SERPINB7: variants seen among roughly 807,000 people sequenced by gnomAD.
The protein encoded by SERPINB7 is serpin B7.
A neutral mutation model predicts 37.4 loss-of-function variants in SERPINB7; 31 were observed. That is an observed-to-expected ratio of 0.83 (90% CI 0.62 to 1.12). The LOEUF (loss-of-function observed/expected upper bound fraction) is 1.12, where lower values mean the gene tolerates loss of function less well. Ranked by LOEUF, SERPINB7 falls within the 50% of genes most tolerant of loss-of-function variation. The pLI, the probability that SERPINB7 is intolerant of heterozygous loss-of-function variation, is 0.00. For synonymous variants in SERPINB7, 163 were observed against 166.1 expected, an observed-to-expected ratio of 0.98 and a Z score of 0.14; for missense variants, 521 against 455.3, an observed-to-expected ratio of 1.14 and a Z score of -1.31.
chr18:63,801,730 G>C (rs185285911), intron 7 of SERPINB7, among the ~76,000 whole-genome samples: 1 of 152,064 alleles, frequency 6.6e-6, no homozygotes, highest in South Asian at 2.1e-4. Flanking sequence ...CAGAGGACCG[G>C]TTTAGTCATG....
chr18:63,803,193 A>G (rs965211259), intron 7 of SERPINB7, among the ~76,000 whole-genome samples: 1 of 152,142 alleles, frequency 6.6e-6, no homozygotes, highest in Admixed American at 6.5e-5. Context: ...TACCTGCATA[A>G]TCTTTCATAA....
chr18:63,773,181 T>C (rs1375354385), upstream of SERPINB7, among the ~76,000 whole-genome samples: 1 of 152,092 alleles, frequency 6.6e-6, no homozygotes, highest in African/African-American at 2.4e-5. Context: ...AATTAAGCCA[T>C]GGAACTTGCC....
At chr18:63,799,623 A>C (rs1416253859) in intron 6 of SERPINB7, among the ~76,000 whole-genome samples, 1 of 152,164 alleles carries the variant, frequency 6.6e-6, no homozygotes, top group Non-Finnish European at 1.5e-5. Flanking sequence ...AGCATAACCC[A>C]GATGTGTGAT....
chr18:63,795,368 C>T (rs558434240), intron 4 of SERPINB7, among the ~76,000 whole-genome samples: 1 of 152,072 alleles, frequency 6.6e-6, no homozygotes, highest in South Asian at 2.1e-4. Flanking sequence ...TGAGACCAGC[C>T]TGACCAACAT....
intron 2 of SERPINB7, among the ~76,000 whole-genome samples, chr18:63,786,703 G>A (rs923201990): frequency 5.3e-5 from 8 of 151,960 alleles, no homozygotes; most frequent in African/African-American, 1.5e-4. Context: ...GCCATCATCT[G>A]AATTCATAAA....
At chr18:63,753,656 G>A (rs921235706) in intron 1 of SERPINB7, among the ~76,000 whole-genome samples, 16 of 152,140 alleles carry the variant, frequency 1.1e-4, no homozygotes, top group African/African-American at 3.6e-4. Flanking sequence ...CAACTCCCAG[G>A]TCGATCACAA....
In SERPINB7 at chr18:63,804,595, A is replaced by T. The variant is rs560859461; in HGVS notation, c.1103A>T (p.Asp368Val). 3.6e-5 allele frequency: 58 copies of T among 1,613,402 alleles called. No individual in the cohort carries two copies. In the South Asian group the frequency reaches 6.4e-4, roughly 18 times the overall value. The change falls in exon 8 of 8, where the codon GAT becomes GTT. Residue 368 changes from aspartate to valine, a missense_variant. Transcript: ENST00000398019. ...CCATTCCTATTTGTTATCAGGAAGG[A>T]TGACATCATCTTATTCAGTGGCAAA... ...DHPFLFVIRK[D>V]DIILFSGKVS...
intron 2 of SERPINB7, among the ~76,000 whole-genome samples, chr18:63,783,294 G>GAAAT (rs1555694253): frequency 6.8e-6 from 1 of 147,466 alleles, no homozygotes; most frequent in African/African-American, 2.5e-5. Flanking sequence ...AAGAAAGAAA[G>GAAAT]AAATGCAAAT....
At chr18:63,771,999 T>G (rs1189259631), upstream of SERPINB7, among the ~76,000 whole-genome samples, 3 of 151,848 alleles carry the variant, frequency 2.0e-5, no homozygotes, top group Non-Finnish European at 4.4e-5. Flanking sequence ...CAGGAATACA[T>G]GTGCAGGTTT....
chr18:63,783,201 AG>A (rs1185394102), intron 2 of SERPINB7, among the ~76,000 whole-genome samples: 13 of 71,528 alleles, frequency 1.8e-4, no homozygotes, highest in African/African-American at 7.6e-4. Flanking sequence ...AGAGAGAGAG[AG>A]AGAGAGAGAG....
At chr18:63,784,632 T>C (rs536942887) in intron 2 of SERPINB7, among the ~76,000 whole-genome samples, 19 of 152,302 alleles carry the variant, frequency 1.2e-4, no homozygotes, top group African/African-American at 4.3e-4. Flanking sequence ...AACATAGCCT[T>C]GGTCTGGGAG....
intron 4 of SERPINB7, among the ~76,000 whole-genome samples, chr18:63,794,459 G>A (rs2049464340): frequency 6.6e-6 from 1 of 152,096 alleles, no homozygotes; most frequent in Non-Finnish European, 1.5e-5. Flanking sequence ...GGGAGGCCGA[G>A]GCGGGCGGAT....
At chr18:63,762,627 GCTCTGGGGGAGTGACGAGAGCA>G (rs2049160487) in intron 1 of SERPINB7, among the ~76,000 whole-genome samples, 1 of 152,186 alleles carries the variant, frequency 6.6e-6, no homozygotes, top group Non-Finnish European at 1.5e-5. Context: ...CCCCATGATA[GCTCTGGGGGAGTGACGAGAGCA>G]GAAAACTAAC....
intron 4 of SERPINB7, 78 bp downstream of exon 4, chr18:63,793,355 C>T: frequency 1.4e-6 from 1 of 700,764 alleles, no homozygotes; most frequent in Non-Finnish European, 2.4e-6. Flanking sequence ...TGTCTTTCTA[C>T]TGAGCAATAC....
At chr18:63,764,955 A>G (rs1207900042) in intron 1 of SERPINB7, among the ~76,000 whole-genome samples, 1 of 152,218 alleles carries the variant, frequency 6.6e-6, no homozygotes, top group Non-Finnish European at 1.5e-5. Flanking sequence ...AAAAAATGAT[A>G]TATTTTTCAC....
intron 2 of SERPINB7, among the ~76,000 whole-genome samples, chr18:63,790,103 C>T (rs905415909): frequency 6.6e-6 from 1 of 152,172 alleles, no homozygotes. Context: ...AACTTAATAA[C>T]AGCAATGACT....
At chr18:63,792,545 T>C in intron 3 of SERPINB7, 102 bp downstream of exon 3, 1 of 743,076 alleles carries the variant, frequency 1.3e-6, no homozygotes, top group South Asian at 1.7e-5. Context: ...GGTGGATGAC[T>C]GGAGCCCAGG....
At chr18:63,757,046 T>C (rs144453300) in intron 1 of SERPINB7, among the ~76,000 whole-genome samples, 3 of 152,330 alleles carry the variant, frequency 2.0e-5, no homozygotes, top group Non-Finnish European at 2.9e-5. Context: ...GTTCATGTGC[T>C]TAGCCCACTG....
chr18:63,756,294 T>C (rs1260483937), intron 1 of SERPINB7, among the ~76,000 whole-genome samples: 1 of 152,186 alleles, frequency 6.6e-6, no homozygotes, highest in Non-Finnish European at 1.5e-5. Flanking sequence ...AATTGTAAAC[T>C]CTACCATGTA....
Sources: allele counts gnomAD v4.1 joint callset (sites outside exome capture counted in the v4.1 genomes callset), GRCh38; gene constraint gnomAD v4.1.1; transcripts MANE v1.5; gene names NCBI Gene and HGNC (gene_info 2026-07-23, HGNC 2026-07-21).